FRMD4A: variants seen among roughly 807,000 people sequenced by gnomAD.
FRMD4A encodes the protein FERM domain-containing protein 4A.
FRMD4A carries 29 observed loss-of-function variants against 129.1 expected under a neutral mutation model. The ratio of observed to expected loss-of-function variants is 0.22; its 90% CI spans 0.17 to 0.31. The LOEUF (loss-of-function observed/expected upper bound fraction) is 0.31. FRMD4A is among the 10% of genes least tolerant of loss of function. The probability of loss-of-function intolerance (pLI) is 1.00; values close to 1 mark genes in which losing one functional copy is unlikely to be tolerated. For missense variants in FRMD4A, 1,272 were observed against 1,375.8 expected, an observed-to-expected ratio of 0.92 and a Z score of 1.19; for synonymous variants, 634 against 571.6, an observed-to-expected ratio of 1.11 and a Z score of -1.56.
intron 2 of FRMD4A, among the ~76,000 whole-genome samples, chr10:14,129,514 C>T (rs1303202686): frequency 2.7e-5 from 4 of 150,854 alleles, no homozygotes; most frequent in Admixed American, 6.6e-5. Flanking sequence ...AGGACAGAAG[C>T]CTGACTTTAG....
intron 2 of FRMD4A, among the ~76,000 whole-genome samples, chr10:13,992,797 A>G: frequency 6.6e-6 from 1 of 151,870 alleles, no homozygotes; most frequent in Non-Finnish European, 1.5e-5. Context: ...TACTAAAAAT[A>G]CAAAAATTAG....
intron 6 of FRMD4A, among the ~76,000 whole-genome samples, chr10:13,772,166 A>T (rs147374435): frequency 0.011 from 1,540 of 135,738 alleles, 24 homozygotes; most frequent in African/African-American, 0.04. Flanking sequence ...ATAATATATA[A>T]TATATTATAT....
Position 13,780,414 on chromosome 10 carries a change from G to A in FRMD4A, c.384+2508C>T, listed in dbSNP as rs150670571. Among the ~76,000 whole-genome samples the A allele has an allele frequency of 8.8e-3, 1,337 of 152,272 alleles. 13 individuals carry two copies. Among genetic ancestry groups the A allele is most frequent in the Middle Eastern group, 0.014 (4 of 294 alleles). On this transcript the variant is annotated intron_variant, in intron 6 of 24. Transcript: ENST00000357447. ...TCTTCCCCGGGAGGAGGTGTGTGCT[G>A]TAAAGGGGTGTAGGCATTTTGGGTC...
At chr10:13,916,412 T>C (rs2095007281) in intron 2 of FRMD4A, among the ~76,000 whole-genome samples, 1 of 152,204 alleles carries the variant, frequency 6.6e-6, no homozygotes, top group Admixed American at 6.5e-5. Context: ...ATTTTGGGGA[T>C]CCCAGCCCAG....
intron 5 of FRMD4A, among the ~76,000 whole-genome samples, chr10:13,788,648 C>T (rs1056075154): frequency 3.3e-5 from 5 of 152,178 alleles, no homozygotes; most frequent in East Asian, 1.9e-4. Flanking sequence ...CTAGATGGAG[C>T]GCAGACCTTG....
At chr10:13,708,626 G>A (rs11258542) in intron 12 of FRMD4A, among the ~76,000 whole-genome samples, 1,739 of 152,316 alleles carry the variant, frequency 0.011, 67 homozygotes, top group South Asian at 0.11. Flanking sequence ...TGCAAGGAAA[G>A]CAAATGGCCC....
At chr10:14,201,822 C>A (rs1331649671) in intron 2 of FRMD4A, among the ~76,000 whole-genome samples, 4 of 152,156 alleles carry the variant, frequency 2.6e-5, no homozygotes, top group African/African-American at 4.8e-5. Context: ...TAAAGGAAGA[C>A]CTTCGTGTCT....
At chr10:14,143,523 G>T (rs1432309504) in intron 2 of FRMD4A, among the ~76,000 whole-genome samples, 1 of 152,242 alleles carries the variant, frequency 6.6e-6, no homozygotes. Flanking sequence ...TTGCTAAATG[G>T]ATGGATGGGG....
At chr10:13,760,278 C>A (rs188320951) in intron 8 of FRMD4A, among the ~76,000 whole-genome samples, 380 of 152,048 alleles carry the variant, frequency 2.5e-3, no homozygotes, top group African/African-American at 8.8e-3. Flanking sequence ...TTGTTTTAGA[C>A]TGTAAAATAA....
intron 2 of FRMD4A, among the ~76,000 whole-genome samples, chr10:14,210,322 C>A (rs1356580012): frequency 6.6e-6 from 1 of 152,108 alleles, no homozygotes; most frequent in Non-Finnish European, 1.5e-5. Context: ...ACCCAGGCAC[C>A]AAATCTGCTG....
intron 17 of FRMD4A, among the ~76,000 whole-genome samples, chr10:13,667,096 G>A (rs1197136739): frequency 6.6e-6 from 1 of 151,988 alleles, no homozygotes; most frequent in East Asian, 1.9e-4. Flanking sequence ...ATTTTTAGTA[G>A]AGATGGGGTT....
intron 16 of FRMD4A, among the ~76,000 whole-genome samples, chr10:13,672,357 T>C (rs959215751): frequency 4.6e-5 from 7 of 152,348 alleles, no homozygotes; most frequent in South Asian, 2.1e-4. Context: ...CGCAACTTTT[T>C]TTTAATCTGC....
At chr10:13,961,675 A>T (rs1259067537) in intron 2 of FRMD4A, among the ~76,000 whole-genome samples, 1 of 152,184 alleles carries the variant, frequency 6.6e-6, no homozygotes, top group Non-Finnish European at 1.5e-5. Flanking sequence ...TTTCTTCAAC[A>T]TCACAGAAAA....
chr10:14,084,390 G>A (rs758653599), intron 2 of FRMD4A, among the ~76,000 whole-genome samples: 60 of 151,692 alleles, frequency 4.0e-4, no homozygotes, highest in Non-Finnish European at 6.6e-4. Context: ...CAAGTGATCC[G>A]CCTGCCTTGG....
intron 3 of FRMD4A, among the ~76,000 whole-genome samples, chr10:13,831,236 A>G (rs1468398183): frequency 6.6e-6 from 1 of 152,158 alleles, no homozygotes; most frequent in African/African-American, 2.4e-5. Context: ...TTTGGATGAC[A>G]TCAACTTTAC....
chr10:14,213,752 T>C (rs937183981), intron 2 of FRMD4A, among the ~76,000 whole-genome samples: 1 of 152,190 alleles, frequency 6.6e-6, no homozygotes, highest in Non-Finnish European at 1.5e-5. Flanking sequence ...CCAAATCTCA[T>C]CTTGAATTGT....
At position 13,895,654 on chromosome 10, in the gene FRMD4A, C is replaced by T. The variant is rs1033997054; in HGVS notation, c.46-36742G>A. On this transcript the variant is annotated intron_variant, in intron 2 of 24. Transcript: ENST00000357447. ...ACTAAAACACCAAAAGCAATTGCAA[C>T]AAAATTGACAAATGGGATCTAATCC... Among the ~76,000 whole-genome samples, 3 of 152,102 alleles carry T rather than the reference C, an allele frequency of 2.0e-5. No individual in the cohort carries two copies. In the South Asian group the frequency reaches 6.2e-4, roughly 31 times the overall value.
chr10:13,992,456 C>T (rs2095606616), intron 2 of FRMD4A, among the ~76,000 whole-genome samples: 1 of 152,212 alleles, frequency 6.6e-6, no homozygotes, highest in Admixed American at 6.5e-5. Flanking sequence ...TGCCCACCCA[C>T]CTCCATGTCC....
intron 12 of FRMD4A, among the ~76,000 whole-genome samples, chr10:13,710,807 G>A (rs1003267533): frequency 6.6e-6 from 1 of 152,164 alleles, no homozygotes; most frequent in Admixed American, 6.5e-5. Context: ...GAGGTCAGGA[G>A]CTTGAGACCA....
Sources: allele counts gnomAD v4.1 joint callset (sites outside exome capture counted in the v4.1 genomes callset), GRCh38; gene constraint gnomAD v4.1.1; transcripts MANE v1.5; gene names NCBI Gene and HGNC (gene_info 2026-07-23, HGNC 2026-07-21).